SLAIN2: variants seen among roughly 807,000 people sequenced by gnomAD.
The protein encoded by SLAIN2 is SLAIN motif-containing protein 2.
A neutral mutation model predicts 56.6 loss-of-function variants in SLAIN2; 31 were observed. The ratio of observed to expected loss-of-function variants is 0.55; its 90% CI spans 0.41 to 0.74. The LOEUF (loss-of-function observed/expected upper bound fraction) is 0.74, where lower values mean the gene tolerates loss of function less well. Ranked by LOEUF, SLAIN2 falls within the 30% of genes least tolerant of loss-of-function variation. SLAIN2 has a pLI of 0.00. For missense variants in SLAIN2, 777 were observed against 754.2 expected (o/e 1.03, Z -0.35); for synonymous variants, 317 against 284.9 (o/e 1.11, Z -1.13).
At chr4:48,407,778 A>G (rs1346150925) in intron 6 of SLAIN2, among the ~76,000 whole-genome samples, 2 of 152,124 alleles carry the variant, frequency 1.3e-5, no homozygotes, top group Non-Finnish European at 2.9e-5. Flanking sequence ...GGGAGAAACC[A>G]TTACCACTAT....
chr4:48,383,041 A>T lies in SLAIN2; in HGVS notation c.1222+114A>T, dbSNP rs568130546. The T allele has an allele frequency of 5.4e-6, 6 of 1,112,584 alleles. No homozygotes were observed. The South Asian group carries it at 1.0e-4, about 19-fold the overall frequency. The allele number at this position is 1,112,584 out of a possible 1,614,324, so 68.9% of individuals were successfully genotyped here. Reference sequence around the variant, plus strand: ...AAATTAGCTGGGCATGGTGGTGCACATCTATAGTCCTAGTGACTTGAGAGG... The same window carrying T: ...AAATTAGCTGGGCATGGTGGTGCACTTCTATAGTCCTAGTGACTTGAGAGG... On this transcript the variant is annotated intron_variant, in intron 5 of 7. Coordinates refer to ENST00000264313, the MANE Select transcript of SLAIN2 (RefSeq NM_020846.2).
chr4:48,403,794 T>A (rs1716619890), intron 6 of SLAIN2, among the ~76,000 whole-genome samples: 1 of 152,192 alleles, frequency 6.6e-6, no homozygotes, highest in African/African-American at 2.4e-5. Flanking sequence ...TTCCTGGAAC[T>A]GGAGTATGCA....
intron 6 of SLAIN2, among the ~76,000 whole-genome samples, chr4:48,407,252 T>G (rs1043548060): frequency 1.3e-5 from 2 of 152,134 alleles, no homozygotes; most frequent in Non-Finnish European, 1.5e-5. Context: ...ATATTGACTC[T>G]TATGTTTCTC....
At chr4:48,345,687 T>A (rs1427180194) in intron 1 of SLAIN2, among the ~76,000 whole-genome samples, 1 of 152,116 alleles carries the variant, frequency 6.6e-6, no homozygotes, top group Non-Finnish European at 1.5e-5. Flanking sequence ...TATTTTTTTT[T>A]AGGCGTGCTC....
At chr4:48,420,507 T>G in intron 7 of SLAIN2, 64 bp downstream of exon 7, 1 of 1,547,162 alleles carries the variant, frequency 6.5e-7, no homozygotes. Flanking sequence ...CTGGAATGAA[T>G]TAGCTTCATC....
At chr4:48,404,305 A>T (rs1197393528) in intron 6 of SLAIN2, among the ~76,000 whole-genome samples, 1 of 152,198 alleles carries the variant, frequency 6.6e-6, no homozygotes, top group African/African-American at 2.4e-5. Flanking sequence ...AAAATGGAGA[A>T]TGAAAGAATT....
At chr4:48,395,810 C>CTT (rs10649464) in intron 6 of SLAIN2, among the ~76,000 whole-genome samples, 917 of 72,760 alleles carry the variant, frequency 0.013, 29 homozygotes, top group African/African-American at 0.043. Flanking sequence ...GAACCTTAGG[C>CTT]TTTTTTTTTT....
chr4:48,413,210 A>G lies in SLAIN2; in HGVS notation c.1361-6915A>G, dbSNP rs1486526848. 2.1e-5 allele frequency among the ~76,000 whole-genome samples: 3 copies of G among 145,030 alleles called. No individual in the cohort carries two copies. The Admixed American group carries it at 2.1e-4, about 10-fold the overall frequency. On this transcript the variant is annotated intron_variant, in intron 6 of 7. Coordinates refer to ENST00000264313, the MANE Select transcript of SLAIN2 (RefSeq NM_020846.2). Reference sequence around the variant, plus strand: ...GCCACTGTTCTCCATCCTGGGTGATAGAGCGAGACTCTGCCTCAAAAAAAA... The same window carrying G: ...GCCACTGTTCTCCATCCTGGGTGATGGAGCGAGACTCTGCCTCAAAAAAAA...
At chr4:48,362,746 T>A (rs1425077828) in intron 1 of SLAIN2, among the ~76,000 whole-genome samples, 1 of 126,374 alleles carries the variant, frequency 7.9e-6, no homozygotes, top group African/African-American at 3.1e-5. Flanking sequence ...TTTTTTTTTT[T>A]ATTCTTTTTT....
At chr4:48,421,539 A>G (rs1717157589) in intron 7 of SLAIN2, among the ~76,000 whole-genome samples, 1 of 152,156 alleles carries the variant, frequency 6.6e-6, no homozygotes, top group South Asian at 2.1e-4. Flanking sequence ...GAGGATATTG[A>G]AATTTAATGG....
At chr4:48,348,021 TA>T (rs1015471250) in intron 1 of SLAIN2, among the ~76,000 whole-genome samples, 60 of 152,376 alleles carry the variant, frequency 3.9e-4, no homozygotes, top group African/African-American at 1.4e-3. Flanking sequence ...ACACCAAACC[TA>T]AAAGTCAAGT....
intron 6 of SLAIN2, among the ~76,000 whole-genome samples, chr4:48,394,078 A>T (rs1332044046): frequency 6.6e-6 from 1 of 152,188 alleles, no homozygotes; most frequent in Non-Finnish European, 1.5e-5. Context: ...AAGTTACTAG[A>T]TTGTGACTCG....
intron 1 of SLAIN2, among the ~76,000 whole-genome samples, chr4:48,361,499 C>T (rs1455310457): frequency 1.3e-5 from 2 of 152,174 alleles, no homozygotes; most frequent in African/African-American, 2.4e-5. Context: ...CAGAGGGAAA[C>T]TGGCACAGAA....
intron 1 of SLAIN2, among the ~76,000 whole-genome samples, chr4:48,346,910 G>T (rs558765233): frequency 6.7e-6 from 1 of 150,150 alleles, no homozygotes; most frequent in Non-Finnish European, 1.5e-5. Flanking sequence ...CTGGGATCAG[G>T]CAGTCTGCCC....
At chr4:48,356,279 A>G (rs768909116) in intron 1 of SLAIN2, among the ~76,000 whole-genome samples, 13 of 152,332 alleles carry the variant, frequency 8.5e-5, no homozygotes, top group Admixed American at 4.6e-4. Context: ...GTTTATATGT[A>G]TATATTATAT....
In SLAIN2 at chr4:48,341,918, G is replaced by T. The variant is rs942180920; in HGVS notation, c.179G>T (p.Gly60Val). ...VRAGASIPSS[G>V]AASPRGFPLG... is the part of the protein sequence containing the mutation. ...GCCGGCGCGTCCATTCCCTCCTCCG[G>T]CGCGGCGTCTCCTCGGGGCTTCCCC... Residue 60 changes from glycine (G) to valine (V), a missense_variant, in exon 1 of 8, where the codon GGC becomes GTC. Physicochemically the swap from Gly to Val is moderately radical, Grantham distance 109. Transcript: ENST00000264313. 6.6e-7 allele frequency: 1 copy of T among 1,505,838 alleles called. No homozygotes were observed. The highest frequency in any genetic ancestry group is 1.5e-5 in the African/African-American group (1 of 68,454). 93.3% of individuals were successfully genotyped at this position (1,505,838 alleles called of 1,614,324 possible). A position where few individuals can be genotyped will look rare whatever the true frequency, so the allele number is the denominator to read the frequency against.
At chr4:48,418,162 C>T (rs906762972) in intron 6 of SLAIN2, among the ~76,000 whole-genome samples, 1 of 150,308 alleles carries the variant, frequency 6.7e-6, no homozygotes, top group Non-Finnish European at 1.5e-5. Context: ...CCTTCTCCCT[C>T]TTCTTCTTTT....
intron 1 of SLAIN2, among the ~76,000 whole-genome samples, chr4:48,351,311 A>T (rs1715003943): frequency 1.3e-5 from 2 of 152,246 alleles, no homozygotes; most frequent in Non-Finnish European, 2.9e-5. Context: ...CTATAGTGAT[A>T]ATCAGACTAA....
intron 6 of SLAIN2, among the ~76,000 whole-genome samples, chr4:48,414,550 ATTTTTTTTT>A (rs36222817): frequency 2.9e-5 from 4 of 136,944 alleles, no homozygotes; most frequent in Non-Finnish European, 1.6e-5. Context: ...TTGGTGTGGT[ATTTTTTTTT>A]TTTTTTTTTT....
Sources: allele counts gnomAD v4.1 joint callset (sites outside exome capture counted in the v4.1 genomes callset), GRCh38; gene constraint gnomAD v4.1.1; transcripts MANE v1.5; gene names NCBI Gene and HGNC (gene_info 2026-07-23, HGNC 2026-07-21).